Variants in MATN1 observed in about 807,000 individuals in gnomAD.
MATN1 encodes the protein matrilin 1.
A neutral mutation model predicts 41.3 loss-of-function variants in MATN1; 34 were observed. That is an observed-to-expected ratio of 0.82 (90% CI 0.63 to 1.10). The LOEUF is 1.10. Ranked by LOEUF, MATN1 falls within the 50% of genes least tolerant of loss-of-function variation. The pLI, the probability that MATN1 is intolerant of heterozygous loss-of-function variation, is 0.00. For missense variants in MATN1, 602 were observed against 662.4 expected (o/e 0.91, Z 1.00); for synonymous variants, 264 against 278.7 (o/e 0.95, Z 0.53).
chr1:30,716,697 T>C, intron 4 of MATN1, 93 bp downstream of exon 4: 2 of 1,503,964 alleles, frequency 1.3e-6, no homozygotes, highest in Non-Finnish European at 1.8e-6. Flanking sequence ...TTCAGAGGTA[T>C]GGTGCAGGGA....
Position 30,715,296 on chromosome 1 carries a change from A to G in MATN1, c.1221T>C (p.Phe407=), listed in dbSNP as rs751853338. The G allele has an allele frequency of 2.5e-6, 4 of 1,614,190 alleles. No homozygotes were observed. The South Asian group carries it at 4.4e-5, about 18-fold the overall frequency. The stretch of plus-strand genomic sequence containing the variant: ...CCACGGCATTGCCCACACCCACAGC[A>G]AACATCTTAAAGCCTGCCAGGAGGA... ...KKAKDLGFKM[F]AVGVGNAVED... The change falls in exon 6 of 8, where the codon TTT becomes TTC. Residue 407 remains phenylalanine (F), a synonymous_variant. Transcript: ENST00000373765.
In MATN1 at chr1:30,715,848, C is replaced by G. The variant is rs912511302; in HGVS notation, c.1207+61G>C. The G allele has an allele frequency of 4.6e-6, 7 of 1,530,140 alleles. No homozygotes were observed. In the African/African-American group the frequency reaches 9.6e-5, roughly 21 times the overall value. The allele number at this position is 1,530,140 out of a possible 1,614,324, so 94.8% of individuals were successfully genotyped here. A position where few individuals can be genotyped will look rare whatever the true frequency, so the allele number is the denominator to read the frequency against. ...GACACCAAGATAAACTACAGTTGGG[C>G]TATACCCGTGTGTACCCCTGGCCAT... On this transcript the variant is annotated intron_variant, in intron 5 of 7. Coordinates refer to ENST00000373765, the MANE Select transcript of MATN1 (RefSeq NM_002379.3).
Position 30,715,837 on chromosome 1 carries a change from C to T in MATN1, c.1207+72G>A, listed in dbSNP as rs1315768942. 3.4e-6 allele frequency: 5 copies of T among 1,479,714 alleles called. No homozygotes were observed. In the African/African-American group the frequency reaches 7.0e-5, roughly 21 times the overall value. 91.7% of individuals were successfully genotyped at this position (1,479,714 alleles called of 1,614,324 possible). On this transcript the variant is annotated intron_variant, in intron 5 of 7. Transcript: ENST00000373765. ...ACTAATCAGACGACACCAAGATAAACTACAGTTGGGCTATACCCGTGTGTA... is the reference window on the plus strand; with the variant it reads ...ACTAATCAGACGACACCAAGATAAATTACAGTTGGGCTATACCCGTGTGTA...
At chr1:30,719,769 T>A (rs1356728733) in intron 2 of MATN1, 1 of 153,480 alleles carries the variant, frequency 6.5e-6, no homozygotes. Context: ...CCCGCTTTGC[T>A]GCTTCTCTGC....
intron 1 of MATN1, among the ~76,000 whole-genome samples, chr1:30,722,701 C>T (rs1437846649): frequency 6.6e-6 from 1 of 152,218 alleles, no homozygotes; most frequent in African/African-American, 2.4e-5. Context: ...TGAGCAGAGC[C>T]AATCCCAAAG....
chr1:30,721,298 G>T, intron 2 of MATN1, 107 bp downstream of exon 2: 1 of 1,093,714 alleles, frequency 9.1e-7, no homozygotes, highest in Non-Finnish European at 1.3e-6. Context: ...CTATGAAATG[G>T]CCACCTCACG....
chr1:30,721,777 G>A, intron 1 of MATN1, 26 bp from the exon 2 acceptor site: 1 of 1,565,446 alleles, frequency 6.4e-7, no homozygotes, highest in East Asian at 2.2e-5. Context: ...GAGGGGTAAG[G>A]CAGAGAGCAG....
In MATN1 at chr1:30,718,762, A is replaced by G. The variant is rs1372399281; in HGVS notation, c.637T>C (p.Ser213Pro). Residue 213 changes from serine to proline, a missense_variant, in exon 3 of 8, where the codon TCC (serine) becomes CCC (proline). Ser to Pro is a moderately conservative substitution (Grantham distance 74, BLOSUM62 -1). Transcript: ENST00000373765. The part of the protein sequence containing the change: ...VESYSVIEKL[S>P]RKFQEAFCVV... Reference sequence around the variant, plus strand: ...CAGAAGGCCTCCTGGAACTTCCTGGACAGCTTCTCGATGACGCTGTAGCTC... The same window carrying G: ...CAGAAGGCCTCCTGGAACTTCCTGGGCAGCTTCTCGATGACGCTGTAGCTC... The G allele has an allele frequency of 1.9e-6, 3 of 1,597,580 alleles. No individual in the cohort carries two copies. The highest frequency in any genetic ancestry group is 1.7e-5 in the Admixed American group (1 of 58,990).
intron 3 of MATN1, among the ~76,000 whole-genome samples, chr1:30,717,984 A>G (rs369557009): frequency 1.2e-4 from 18 of 151,308 alleles, no homozygotes; most frequent in Non-Finnish European, 1.9e-4. Context: ...CCTCTCCCCA[A>G]CTCCCTTAAC....
At chr1:30,721,203 A>G in intron 2 of MATN1, 1 of 595,762 alleles carries the variant, frequency 1.7e-6, no homozygotes. Flanking sequence ...AAGGTTGGGT[A>G]AAGGTGGCTT....
chr1:30,721,695 T>A lies in MATN1; in HGVS notation c.151A>T (p.Ser51Cys), dbSNP rs756503945. The change falls in exon 2 of 8, where the codon AGC becomes TGC. Residue 51 changes from serine (S) to cysteine (C), a missense_variant. Transcript: ENST00000373765. ...TTCTCAAATTCAACAGGCCGAACGC[T>A]GCGAGAGCTGTCGACAACAAACACC... ...DLVFVVDSSR[S>C]VRPVEFEKVK... The A allele has an allele frequency of 1.2e-6, 2 of 1,613,106 alleles. No individual in the cohort carries two copies. The highest frequency in any genetic ancestry group is 1.7e-6 in the Non-Finnish European group (2 of 1,180,010).
At chr1:30,718,577 G>A (rs575562033) in intron 3 of MATN1, 158 bp downstream of exon 3, 1 of 125,118 alleles carries the variant, frequency 8.0e-6, no homozygotes, top group Non-Finnish European at 1.3e-5. Flanking sequence ...TCTCTCTCCC[G>A]TCTCCGCCTC....
At position 30,713,586 on chromosome 1, in the gene MATN1, A is replaced by T; in HGVS notation, c.1487T>A (p.Val496Asp). ...CCACAGTGGTGACAGGCAGCCTTAG[A>T]CAACTGTGTTCTCCAGGATGGCCAG... ...KRLAILENTVV is the reference protein window; with the variant it reads ...KRLAILENTVD The change falls in exon 8 of 8, where the codon GTC becomes GAC. Residue 496 changes from valine (V) to aspartate (D), a missense_variant. Val to Asp is a radical substitution (Grantham distance 152). Transcript: ENST00000373765. 6.4e-7 allele frequency: 1 copy of T among 1,553,672 alleles called. No individual in the cohort carries two copies. The highest frequency in any genetic ancestry group is 8.7e-7 in the Non-Finnish European group (1 of 1,147,846).
At chr1:30,721,131 G>T (rs1035819687) in intron 2 of MATN1, 1 of 462,806 alleles carries the variant, frequency 2.2e-6, no homozygotes, top group Non-Finnish European at 3.9e-6. Context: ...TCTTCAAGGG[G>T]CTCAGACTGG....
Position 30,716,885 on chromosome 1 carries a change from T to C in MATN1, c.695A>G (p.His232Arg). Residue 232 changes from histidine to arginine, a missense_variant, in exon 4 of 8, where the codon CAT becomes CGT. His to Arg is a conservative substitution (Grantham distance 29). Transcript: ENST00000373765. ...VVSDLCATGD[H>R]DCEQVCISSP... is the part of the protein sequence containing the mutation. ...GCTGATGCACACCTGCTCACAGTCA[T>C]GGTCCCCTGTGGCGCACAGGTCTGA... 2 of 1,613,718 alleles carry C rather than the reference T, an allele frequency of 1.2e-6. No individual in the cohort carries two copies. The highest frequency in any genetic ancestry group is 1.7e-6 in the Non-Finnish European group (2 of 1,179,842).
chr1:30,716,939 G>C (rs1208315058), intron 3 of MATN1, 24 bp from the exon 4 acceptor site: 1 of 1,603,808 alleles, frequency 6.2e-7, no homozygotes, highest in Admixed American at 1.7e-5. Flanking sequence ...AAGTAGCTCA[G>C]ATCTCACAGT....
chr1:30,712,917 A>T lies in MATN1; in HGVS notation c.*665T>A, dbSNP rs1373022508. On this transcript the variant is annotated 3_prime_UTR_variant, in exon 8 of 8. Coordinates refer to ENST00000373765, the MANE Select transcript of MATN1 (RefSeq NM_002379.3). ...CATCATTTAGACTCTCAGCTTTCCC[A>T]TTTGTAATGGGGATAATTTGAGTCT... The T allele has an allele frequency of 6.6e-6, 1 of 152,274 alleles. No homozygotes were observed. Among genetic ancestry groups the T allele is most frequent in the Non-Finnish European group, 1.5e-5 (1 of 68,150 alleles). The allele number at this position is 152,274 out of a possible 1,614,324, so 9.4% of individuals were successfully genotyped here.
At chr1:30,717,703 G>A (rs1449976533) in intron 3 of MATN1, among the ~76,000 whole-genome samples, 3 of 145,644 alleles carry the variant, frequency 2.1e-5, no homozygotes, top group African/African-American at 5.2e-5. Flanking sequence ...CGCCCAGGCT[G>A]GAGTGCAGTG....
At position 30,718,961 on chromosome 1, in the gene MATN1, C is replaced by A; in HGVS notation, c.442-4G>T. The A allele has an allele frequency of 1.3e-6, 2 of 1,495,250 alleles. No individual in the cohort carries two copies. Among genetic ancestry groups the A allele is most frequent in the Middle Eastern group, 1.9e-4 (1 of 5,280 alleles). 92.6% of individuals were successfully genotyped at this position (1,495,250 alleles called of 1,614,324 possible). On this transcript the variant is annotated splice_region_variant and splice_polypyrimidine_tract_variant and intron_variant, in intron 2 of 7. Coordinates refer to ENST00000373765, the MANE Select transcript of MATN1 (RefSeq NM_002379.3). ...CGTCTGTCACCACGATGACCACCTG[C>A]GACACGCGGGGCGGTGTGACACCGG...
Sources: gnomAD v4.1 joint callset for allele counts (sites outside exome capture counted in the v4.1 genomes callset) on GRCh38, gnomAD v4.1.1 for gene constraint, MANE v1.5 for transcripts, NCBI Gene and HGNC (gene_info 2026-07-23, HGNC 2026-07-21) for gene names.